CDK6: variants seen among roughly 807,000 people sequenced by gnomAD.
CDK6 encodes cyclin dependent kinase 6.
In CDK6, 6 loss-of-function variants were observed where a neutral mutation model predicts 37.1. The observed-to-expected ratio is 0.16, with a 90% CI of 0.09 to 0.32. The LOEUF (loss-of-function observed/expected upper bound fraction) is 0.32. CDK6 is among the 10% of genes least tolerant of loss of function. The pLI is 1.00. For synonymous variants in CDK6, 160 were observed against 161.3 expected, an observed-to-expected ratio of 0.99 and a Z score of 0.06; for missense variants, 224 against 418.9, an observed-to-expected ratio of 0.53 and a Z score of 4.06.
At chr7:92,812,362 T>C (rs888775122) in intron 2 of CDK6, among the ~76,000 whole-genome samples, 3 of 152,084 alleles carry the variant, frequency 2.0e-5, no homozygotes, top group African/African-American at 7.2e-5. Flanking sequence ...AGTAATAGTG[T>C]TTGTTATTTC....
chr7:92,827,969 T>C (rs1309449244), intron 2 of CDK6, among the ~76,000 whole-genome samples: 1 of 152,130 alleles, frequency 6.6e-6, no homozygotes, highest in Non-Finnish European at 1.5e-5. Flanking sequence ...TTTTATTTCA[T>C]TAACCAGAAT....
At chr7:92,664,307 A>G (rs541909263) in intron 5 of CDK6, among the ~76,000 whole-genome samples, 52 of 152,204 alleles carry the variant, frequency 3.4e-4, no homozygotes, top group African/African-American at 1.2e-3. Context: ...ACCTGAAATG[A>G]TGGGTTTCTT....
chr7:92,760,935 T>G (rs532140364), intron 3 of CDK6, among the ~76,000 whole-genome samples: 12 of 152,204 alleles, frequency 7.9e-5, no homozygotes, highest in Admixed American at 1.3e-4. Context: ...CTCTAATTAT[T>G]TGGGAGGTTG....
intron 2 of CDK6, among the ~76,000 whole-genome samples, chr7:92,783,734 T>C (rs143980111): frequency 7.2e-5 from 11 of 152,158 alleles, no homozygotes; most frequent in Admixed American, 6.5e-4. Flanking sequence ...ATTTTGAAAA[T>C]AGAGCAAACA....
intron 3 of CDK6, among the ~76,000 whole-genome samples, chr7:92,752,448 G>C (rs531738455): frequency 6.6e-6 from 1 of 152,274 alleles, no homozygotes; most frequent in Non-Finnish European, 1.5e-5. Flanking sequence ...GAGTCATTAG[G>C]ACCACAAGTG....
intron 3 of CDK6, among the ~76,000 whole-genome samples, chr7:92,772,349 A>G (rs182797941): frequency 6.6e-6 from 1 of 152,256 alleles, no homozygotes; most frequent in African/African-American, 2.4e-5. Context: ...GAAAACATCA[A>G]TACAACATTA....
chr7:92,680,398 C>T (rs943763146), intron 4 of CDK6, among the ~76,000 whole-genome samples: 8 of 139,784 alleles, frequency 5.7e-5, no homozygotes, highest in African/African-American at 2.2e-4. Context: ...CACCATTGCG[C>T]TCCAGCCTGG....
chr7:92,792,073 GA>G (rs1562966531), intron 2 of CDK6, among the ~76,000 whole-genome samples: 4 of 152,110 alleles, frequency 2.6e-5, no homozygotes, highest in Non-Finnish European at 5.9e-5. Flanking sequence ...TGGATTATAG[GA>G]GAATAAAATT....
chr7:92,614,912 AACAG>A lies in CDK6; in HGVS notation c.*224_*227del, dbSNP rs1402232213. 4.5e-6 allele frequency: 2 copies of A among 448,926 alleles called. No homozygotes were observed. The highest frequency in any genetic ancestry group is 1.9e-5 in the African/African-American group (1 of 51,626). The allele number at this position is 448,926 out of a possible 1,614,324, so 27.8% of individuals were successfully genotyped here. A position where few individuals can be genotyped will look rare whatever the true frequency, so the allele number is the denominator to read the frequency against. The stretch of plus-strand genomic sequence containing the variant: ...GGAATTTTTCCAGGTTCTTGAAACA[AACAG>A]ACAAACAAACAAACAAATGAACATA... On this transcript the variant is annotated 3_prime_UTR_variant, in exon 8 of 8. Transcript: ENST00000424848.
At chr7:92,782,468 T>C (rs1301063926) in intron 2 of CDK6, among the ~76,000 whole-genome samples, 5 of 152,180 alleles carry the variant, frequency 3.3e-5, no homozygotes, top group African/African-American at 1.2e-4. Flanking sequence ...GATTGAGTGA[T>C]GATGAATGAT....
At chr7:92,813,829 TC>T (rs1391831951) in intron 2 of CDK6, among the ~76,000 whole-genome samples, 2 of 152,076 alleles carry the variant, frequency 1.3e-5, no homozygotes, top group East Asian at 3.9e-4. Flanking sequence ...TCATTTACCC[TC>T]CCAACCAAAG....
intron 4 of CDK6, among the ~76,000 whole-genome samples, chr7:92,693,462 T>G (rs547329403): frequency 6.6e-6 from 1 of 152,336 alleles, no homozygotes; most frequent in South Asian, 2.1e-4. Flanking sequence ...GGTAGGTTTA[T>G]TTTTCCATTT....
chr7:92,768,047 G>C (rs1799625513), intron 3 of CDK6, among the ~76,000 whole-genome samples: 1 of 152,112 alleles, frequency 6.6e-6, no homozygotes, highest in South Asian at 2.1e-4. Flanking sequence ...CTACATTAAT[G>C]GAGAAGGGCA....
At chr7:92,626,773 G>T (rs1562915293) in intron 5 of CDK6, among the ~76,000 whole-genome samples, 1 of 152,018 alleles carries the variant, frequency 6.6e-6, no homozygotes, top group Admixed American at 6.6e-5. Context: ...GGAGAAGCAT[G>T]ATTTTAAGTT....
At chr7:92,787,956 CA>C (rs1179724518) in intron 2 of CDK6, among the ~76,000 whole-genome samples, 1 of 151,912 alleles carries the variant, frequency 6.6e-6, no homozygotes, top group Non-Finnish European at 1.5e-5. Flanking sequence ...TCTATTAGAG[CA>C]AAATTTCTGG....
chr7:92,677,640 T>A (rs1051642519), intron 4 of CDK6, among the ~76,000 whole-genome samples: 1 of 152,166 alleles, frequency 6.6e-6, no homozygotes, highest in Non-Finnish European at 1.5e-5. Flanking sequence ...TATTTTGCAA[T>A]AGATATAAAA....
chr7:92,764,396 T>C (rs995215338), intron 3 of CDK6, among the ~76,000 whole-genome samples: 1 of 152,180 alleles, frequency 6.6e-6, no homozygotes, highest in Non-Finnish European at 1.5e-5. Flanking sequence ...CTTGGTCTCC[T>C]AGAGTGTTGG....
chr7:92,751,870 A>G (rs1283824990), intron 3 of CDK6, among the ~76,000 whole-genome samples: 2 of 152,190 alleles, frequency 1.3e-5, no homozygotes, highest in Non-Finnish European at 2.9e-5. Context: ...TAAGAGGATT[A>G]TAATAATTAA....
chr7:92,606,816 T>C lies in CDK6; in HGVS notation c.*8324A>G. 1 of 233,070 alleles carries C rather than the reference T, an allele frequency of 4.3e-6. No homozygotes were observed. The highest frequency in any genetic ancestry group is 8.5e-6 in the Non-Finnish European group (1 of 117,946). 14.4% of individuals were successfully genotyped at this position (233,070 alleles called of 1,614,324 possible). ...TTAACACATCTCAAAATGATAATCG[T>C]ATAAAACTTTCTAGTTCTAATTTGC... On this transcript the variant is annotated 3_prime_UTR_variant, in exon 8 of 8. Coordinates refer to ENST00000424848, the MANE Select transcript of CDK6 (RefSeq NM_001145306.2).
Sources: gnomAD v4.1 joint callset for allele counts (sites outside exome capture counted in the v4.1 genomes callset) on GRCh38, gnomAD v4.1.1 for gene constraint, MANE v1.5 for transcripts, NCBI Gene and HGNC (gene_info 2026-07-23, HGNC 2026-07-21) for gene names.